The following VEPH1 variants were observed in gnomAD, a reference collection of about 807,000 sequenced individuals.
VEPH1 encodes ventricular zone expressed PH domain containing 1, also known as ventricular zone-expressed PH domain-containing protein homolog 1.
VEPH1 carries 80 observed loss-of-function variants against 85.2 expected under a neutral mutation model. That is an observed-to-expected ratio of 0.94 (90% confidence interval 0.78 to 1.13). VEPH1 has a LOEUF of 1.13. Among genes scored for constraint, VEPH1 ranks in the 50% most tolerant of loss-of-function variants. The pLI is 0.00. For synonymous variants in VEPH1, 297 were observed against 348.0 expected, an observed-to-expected ratio of 0.85 and a Z score of 1.63; for missense variants, 955 against 980.5, an observed-to-expected ratio of 0.97 and a Z score of 0.35.
At chr3:157,317,562 T>C (rs1577326149) in intron 9 of VEPH1, among the ~76,000 whole-genome samples, 1 of 152,166 alleles carries the variant, frequency 6.6e-6, no homozygotes, top group South Asian at 2.1e-4. Context: ...AACCCAGGCA[T>C]TTTCTGGGTA....
chr3:157,306,527 A>G (rs903027236), intron 11 of VEPH1, among the ~76,000 whole-genome samples: 3 of 152,024 alleles, frequency 2.0e-5, no homozygotes, highest in African/African-American at 7.2e-5. Flanking sequence ...TAACATGACT[A>G]TACCACAACG....
intron 4 of VEPH1, chr3:157,443,765 G>A (rs1734327556): frequency 6.6e-6 from 1 of 152,160 alleles, no homozygotes; most frequent in Non-Finnish European, 1.5e-5. Context: ...TAAATCATAA[G>A]CAAGAAATAT....
At chr3:157,467,129 G>A (rs1211197685) in intron 3 of VEPH1, among the ~76,000 whole-genome samples, 1 of 150,822 alleles carries the variant, frequency 6.6e-6, no homozygotes. Flanking sequence ...GTGTGTATGT[G>A]TGTGTGTGTG....
At chr3:157,320,288 C>T (rs1721217581) in intron 9 of VEPH1, among the ~76,000 whole-genome samples, 1 of 151,982 alleles carries the variant, frequency 6.6e-6, no homozygotes, top group Non-Finnish European at 1.5e-5. Context: ...AATGACTGCT[C>T]ACAGAAATAA....
intron 1 of VEPH1, among the ~76,000 whole-genome samples, chr3:157,498,864 G>C (rs1323927614): frequency 6.6e-6 from 1 of 152,196 alleles, no homozygotes; most frequent in African/African-American, 2.4e-5. Flanking sequence ...TGTGGCCTGT[G>C]TGCACGTGTA....
At chr3:157,466,628 G>A (rs1367947006) in intron 3 of VEPH1, among the ~76,000 whole-genome samples, 4 of 152,198 alleles carry the variant, frequency 2.6e-5, no homozygotes, top group African/African-American at 9.7e-5. Context: ...CAGAGATTTA[G>A]AGAGAGAAAA....
intron 4 of VEPH1, among the ~76,000 whole-genome samples, chr3:157,446,179 A>AAT (rs369439707): frequency 7.7e-4 from 117 of 151,104 alleles, no homozygotes; most frequent in Middle Eastern, 3.5e-3. Flanking sequence ...ATAAATATGT[A>AAT]ATATATATAT....
intron 9 of VEPH1, among the ~76,000 whole-genome samples, chr3:157,326,087 T>A (rs1559961040): frequency 6.6e-6 from 1 of 152,128 alleles, no homozygotes; most frequent in Admixed American, 6.5e-5. Flanking sequence ...TTATTCTTTT[T>A]GTGGTAATTG....
At chr3:157,303,458 A>C (rs1204508385) in intron 11 of VEPH1, among the ~76,000 whole-genome samples, 3 of 152,190 alleles carry the variant, frequency 2.0e-5, no homozygotes, top group Non-Finnish European at 4.4e-5. Flanking sequence ...AGTCATATTT[A>C]CCATGATTTT....
At chr3:157,483,593 T>G (rs1031641357) in intron 2 of VEPH1, among the ~76,000 whole-genome samples, 5 of 152,026 alleles carry the variant, frequency 3.3e-5, no homozygotes, top group African/African-American at 1.2e-4. Context: ...AAAAGAAATC[T>G]CTAGAAATTA....
At chr3:157,472,681 C>G (rs544437589) in intron 2 of VEPH1, among the ~76,000 whole-genome samples, 2 of 152,306 alleles carry the variant, frequency 1.3e-5, no homozygotes, top group East Asian at 1.9e-4. Flanking sequence ...CACCATCTAA[C>G]CACTGATAGG....
chr3:157,414,171 C>A, intron 5 of VEPH1, 81 bp from the exon 6 acceptor site: 1 of 1,212,814 alleles, frequency 8.2e-7, no homozygotes, highest in Non-Finnish European at 1.2e-6. Context: ...ATTTTGAAAG[C>A]AAACTTTTTT....
Position 157,363,437 on chromosome 3 carries a change from G to T in VEPH1, c.1662C>A (p.Asn554Lys), listed in dbSNP as rs751696707. 1.9e-6 allele frequency: 3 copies of T among 1,606,212 alleles called. No individual in the cohort carries two copies. The African/African-American group carries it at 4.0e-5, about 22-fold the overall frequency. ...QDKLYLHLKK[N>K]LSKVKAYAME... is the part of the protein sequence containing the mutation. ...TGGCATATGCTTTCACTTTGCTGAG[G>T]TTTTTTTTTAAGTGCAAGTAGAGCT... The change falls in exon 9 of 14, where the codon AAC (asparagine) becomes AAA (lysine). Residue 554 changes from asparagine to lysine, a missense_variant. By Grantham distance (94) the Asn-to-Lys change is moderately conservative. Coordinates refer to ENST00000362010, the MANE Select transcript of VEPH1 (RefSeq NM_001167912.2).
chr3:157,460,790 G>A (rs1735793906), intron 3 of VEPH1, among the ~76,000 whole-genome samples: 1 of 152,134 alleles, frequency 6.6e-6, no homozygotes, highest in South Asian at 2.1e-4. Flanking sequence ...GTACCTGATG[G>A]CACTGGAGAG....
At chr3:157,421,797 G>A (rs542537353) in intron 5 of VEPH1, among the ~76,000 whole-genome samples, 17 of 152,220 alleles carry the variant, frequency 1.1e-4, no homozygotes, top group African/African-American at 3.1e-4. Flanking sequence ...AGGTAGGGGT[G>A]ACAGGAAACG....
intron 13 of VEPH1, 97 bp from the exon 14 acceptor site, chr3:157,261,467 C>T: frequency 6.5e-7 from 1 of 1,527,054 alleles, no homozygotes; most frequent in Non-Finnish European, 8.8e-7. Context: ...AGAATCCTTT[C>T]ACTTTTTATG....
chr3:157,343,992 A>AACTCTC lies in VEPH1; in HGVS notation c.1735+19366_1735+19371dup, dbSNP rs1176014515. The stretch of plus-strand genomic sequence containing the variant: ...AAATTCAACAGCCCTTCATGTGAAA[A>AACTCTC]ACTCTCAATAAATTAGGTATTGATG... On this transcript the variant is annotated intron_variant, in intron 9 of 13. Coordinates refer to ENST00000362010, the MANE Select transcript of VEPH1 (RefSeq NM_001167912.2). Among the ~76,000 whole-genome samples the AACTCTC allele has an allele frequency of 2.6e-5, 4 of 152,330 alleles. No individual in the cohort carries two copies. In the East Asian group the frequency reaches 5.8e-4, roughly 22 times the overall value.
chr3:157,348,415 ATT>A (rs895110276), intron 9 of VEPH1, among the ~76,000 whole-genome samples: 8 of 148,268 alleles, frequency 5.4e-5, no homozygotes, highest in African/African-American at 2.0e-4. Flanking sequence ...AGCATTTGTT[ATT>A]TTTTTTTTCT....
chr3:157,489,520 T>C lies in VEPH1; in HGVS notation c.138+5692A>G, dbSNP rs1438274540. Among the ~76,000 whole-genome samples, 3 of 152,314 alleles carry C rather than the reference T, an allele frequency of 2.0e-5. No homozygotes were observed. In the South Asian group the frequency reaches 6.2e-4, roughly 32 times the overall value. On this transcript the variant is annotated intron_variant, in intron 2 of 13. Coordinates refer to ENST00000362010, the MANE Select transcript of VEPH1 (RefSeq NM_001167912.2). ...TCATCTCCTTCAAGTTTTGCTTAAA[T>C]GTCAGCTTTTGTCTCAGTATGGACT...
Sources: allele counts gnomAD v4.1 joint callset (sites outside exome capture counted in the v4.1 genomes callset), GRCh38; gene constraint gnomAD v4.1.1; transcripts MANE v1.5; gene names NCBI Gene and HGNC (gene_info 2026-07-23, HGNC 2026-07-21).